Variants in PCDHA7 observed in about 807,000 individuals in gnomAD.
PCDHA7 encodes protocadherin alpha 7.
A neutral mutation model predicts 57.2 loss-of-function variants in PCDHA7; 37 were observed. The observed-to-expected ratio is 0.65, with a 90% CI of 0.50 to 0.85. The LOEUF (loss-of-function observed/expected upper bound fraction) is 0.85. Among genes scored for constraint, PCDHA7 ranks in the 40% least tolerant of loss-of-function variants. PCDHA7 has a pLI of 0.00. For missense variants in PCDHA7, 1,188 were observed against 1,241.8 expected, an observed-to-expected ratio of 0.96 and a Z score of 0.65; for synonymous variants, 553 against 558.8, an observed-to-expected ratio of 0.99 and a Z score of 0.15.
At chr5:140,842,856 C>A (rs2150346481) in intron 1 of PCDHA7, 3 of 1,593,922 alleles carry the variant, frequency 1.9e-6, no homozygotes, top group South Asian at 2.2e-5. Flanking sequence ...TCGGTGCACA[C>A]GGAGAGCGGC....
chr5:140,977,335 A>T (rs1341928835), intron 1 of PCDHA7, among the ~76,000 whole-genome samples: 19 of 152,322 alleles, frequency 1.2e-4, no homozygotes, highest in Admixed American at 1.1e-3. Context: ...GAGGGGAGAG[A>T]CGGTGATGAT....
intron 1 of PCDHA7, chr5:140,875,236 C>T: frequency 1.1e-6 from 1 of 889,228 alleles, no homozygotes. Context: ...CTTTCTTGTA[C>T]TTACATAATC....
At chr5:140,875,412 A>G in intron 1 of PCDHA7, 4 of 1,505,550 alleles carry the variant, frequency 2.7e-6, no homozygotes, top group Non-Finnish European at 3.5e-6. Context: ...CTCATAAAAT[A>G]CCTCAGGCAA....
intron 1 of PCDHA7, chr5:140,843,444 C>T: frequency 1.3e-6 from 2 of 1,596,146 alleles, no homozygotes; most frequent in Non-Finnish European, 1.7e-6. Flanking sequence ...TGCGCGGTAT[C>T]CAGCCTGCTG....
intron 1 of PCDHA7, among the ~76,000 whole-genome samples, chr5:140,933,130 A>G (rs2088870055): frequency 6.6e-6 from 1 of 151,994 alleles, no homozygotes; most frequent in Non-Finnish European, 1.5e-5. Context: ...CTAAATAATA[A>G]AGGTAGATAG....
intron 1 of PCDHA7, chr5:140,928,082 T>C: frequency 1.2e-6 from 2 of 1,614,212 alleles, no homozygotes. Context: ...TACTACAGCC[T>C]GCTGATTGAT....
chr5:140,841,285 T>G (rs2150312602), intron 1 of PCDHA7: 2 of 1,550,288 alleles, frequency 1.3e-6, no homozygotes, highest in East Asian at 2.3e-5. Context: ...ATCTTTATAT[T>G]AAGATAATAT....
intron 1 of PCDHA7, among the ~76,000 whole-genome samples, chr5:140,933,174 A>G (rs1400055066): frequency 2.0e-5 from 3 of 151,742 alleles, no homozygotes; most frequent in Non-Finnish European, 3.0e-5. Context: ...AATTGATGGC[A>G]TAAGATAATG....
At chr5:140,911,716 T>A (rs2075609522) in intron 1 of PCDHA7, among the ~76,000 whole-genome samples, 1 of 151,644 alleles carries the variant, frequency 6.6e-6, no homozygotes, top group Non-Finnish European at 1.5e-5. Context: ...TTTGTGTAAC[T>A]CTGTAAACAG....
chr5:140,944,853 C>T (rs1230548858), intron 1 of PCDHA7, among the ~76,000 whole-genome samples: 1 of 152,118 alleles, frequency 6.6e-6, no homozygotes, highest in East Asian at 1.9e-4. Context: ...TTAGAATCAT[C>T]CTTATTTATC....
At chr5:140,978,887 A>C (rs1367734690) in intron 1 of PCDHA7, 62 bp from the exon 2 acceptor site, 14 of 1,611,648 alleles carry the variant, frequency 8.7e-6, no homozygotes, top group Admixed American at 1.7e-5. Flanking sequence ...ATCAATTAGC[A>C]GCATTCCTGG....
At chr5:140,882,361 C>T (rs2059095511) in intron 1 of PCDHA7, 1 of 1,614,204 alleles carries the variant, frequency 6.2e-7, no homozygotes, top group Non-Finnish European at 8.5e-7. Context: ...GTGGCCAGCT[C>T]CACTACTCCG....
In PCDHA7 at chr5:140,836,210, T is replaced by G. The variant is rs2150255516; in HGVS notation, c.1827T>G (p.Tyr609Ter). 36 of 1,613,654 alleles carry G rather than the reference T, an allele frequency of 2.2e-5. No individual in the cohort carries two copies. Among genetic ancestry groups the G allele is most frequent in the Admixed American group, 6.7e-5 (4 of 59,998 alleles). Residue 609 changes from tyrosine (Y) to a stop codon, truncating the protein, a stop_gained, in exon 1 of 4, where the codon TAT becomes TAG. Coordinates refer to ENST00000525929, the MANE Select transcript of PCDHA7 (RefSeq NM_018910.3). LOFTEE classifies it high-confidence loss of function. ...ADSGYNAWLS[Y>*]ELQPVAAGAS... is the part of the protein sequence containing the mutation. ...CAGGCTACAACGCGTGGCTTTCGTA[T>G]GAGTTGCAACCGGTGGCGGCCGGTG...
At position 140,835,927 on chromosome 5, in the gene PCDHA7, G is replaced by T. The variant is rs2150248499; in HGVS notation, c.1544G>T (p.Gly515Val). The change falls in exon 1 of 4, where the codon GGC becomes GTC. Residue 515 changes from glycine to valine, a missense_variant. Physicochemically the swap from Gly to Val is moderately radical, Grantham distance 109. This residue lies in a region of PCDHA7 where 892 missense variants were observed against 788.5 expected (regional missense o/e 1.13). Coordinates refer to ENST00000525929, the MANE Select transcript of PCDHA7 (RefSeq NM_018910.3). The stretch of plus-strand genomic sequence containing the variant: ...TACGTGTCAGTGCACGCGGAGAGCG[G>T]CAAGGTGTACGCGCTGCAGCCGTTG... ...SSYVSVHAES[G>V]KVYALQPLDH... 3 of 1,612,438 alleles carry T rather than the reference G, an allele frequency of 1.9e-6. No individual in the cohort carries two copies. Among genetic ancestry groups the T allele is most frequent in the African/African-American group, 1.3e-5 (1 of 75,018 alleles).
chr5:140,884,125 C>T (rs1554181246), intron 1 of PCDHA7: 1 of 1,613,416 alleles, frequency 6.2e-7, no homozygotes, highest in Admixed American at 1.7e-5. Context: ...TCGGCGCGCG[C>T]ATCCCGTTCC....
chr5:140,850,472 G>A (rs2150485623), intron 1 of PCDHA7: 1 of 1,598,076 alleles, frequency 6.3e-7, no homozygotes, highest in South Asian at 1.1e-5. Context: ...AGCCAGCGCT[G>A]ACGGCCACGG....
chr5:140,862,896 G>A (rs782777981), intron 1 of PCDHA7: 1 of 554,390 alleles, frequency 1.8e-6, no homozygotes, highest in East Asian at 4.8e-5. Flanking sequence ...CGACAACTTT[G>A]TCTGCGCTGC....
intron 1 of PCDHA7, chr5:140,851,974 CT>C (rs1190115566): frequency 2.0e-6 from 2 of 976,536 alleles, no homozygotes; most frequent in African/African-American, 3.5e-5. Context: ...CACACTCTAC[CT>C]TTAGTGCAAG....
intron 3 of PCDHA7, among the ~76,000 whole-genome samples, chr5:141,001,011 A>G (rs912284389): frequency 3.9e-5 from 6 of 152,206 alleles, no homozygotes; most frequent in African/African-American, 1.4e-4. Context: ...ATGTATTTAG[A>G]TATACACTTA....
Sources: gnomAD v4.1 joint callset for allele counts (sites outside exome capture counted in the v4.1 genomes callset) on GRCh38, gnomAD v4.1.1 for gene constraint, gnomAD v4.1.1 regional missense constraint, MANE v1.5 for transcripts, NCBI Gene and HGNC (gene_info 2026-07-23, HGNC 2026-07-21) for gene names.